The following ILRUN variants were observed in gnomAD, a reference collection of about 807,000 sequenced individuals.
ILRUN encodes inflammation and lipid regulator with UBA-like and NBR1-like domains.
A neutral mutation model predicts 33.8 loss-of-function variants in ILRUN; 3 were observed. The ratio of observed to expected loss-of-function variants is 0.09; its 90% CI spans 0.04 to 0.23. The LOEUF is 0.23. Ranked by LOEUF, ILRUN falls within the 10% of genes least tolerant of loss-of-function variation. The probability of loss-of-function intolerance (pLI) is 1.00; values close to 1 mark genes in which losing one functional copy is unlikely to be tolerated. For missense variants in ILRUN, 210 were observed against 375.1 expected, an observed-to-expected ratio of 0.56 and a Z score of 3.64; for synonymous variants, 124 against 138.9, an observed-to-expected ratio of 0.89 and a Z score of 0.75.
chr6:34,595,776 TTAA>T lies in ILRUN; in HGVS notation c.862-5179_862-5177del, dbSNP rs541657319. 1.5e-4 allele frequency: 144 copies of T among 985,404 alleles called. 1 individual carries two copies. In the African/African-American group the frequency reaches 2.3e-3, roughly 16 times the overall value. 61.0% of individuals were successfully genotyped at this position (985,404 alleles called of 1,614,324 possible). Reference sequence around the variant, plus strand: ...AAATAAATAAGAAGGTTCACACAGGTTAATAAAAAGACAAGCAAGTTTGTTGTA... The same window carrying T: ...AAATAAATAAGAAGGTTCACACAGGTTAAAAAGACAAGCAAGTTTGTTGTA... On this transcript the variant is annotated intron_variant, in intron 4 of 4. Transcript: ENST00000374023.
At chr6:34,695,145 T>C (rs1410992418) in intron 1 of ILRUN, among the ~76,000 whole-genome samples, 3 of 151,698 alleles carry the variant, frequency 2.0e-5, no homozygotes, top group Non-Finnish European at 2.9e-5. Context: ...AGGGTAGAAC[T>C]AGGTAGGAGT....
At chr6:34,621,130 G>A (rs1762005291) in intron 3 of ILRUN, among the ~76,000 whole-genome samples, 1 of 152,122 alleles carries the variant, frequency 6.6e-6, no homozygotes, top group South Asian at 2.1e-4. Context: ...CTTACAAAAA[G>A]GGGGAAATCA....
At chr6:34,629,120 G>A (rs1762197476) in intron 3 of ILRUN, among the ~76,000 whole-genome samples, 1 of 152,138 alleles carries the variant, frequency 6.6e-6, no homozygotes, top group South Asian at 2.1e-4. Context: ...AATATAAAAA[G>A]AGAATGAGTA....
chr6:34,660,213 G>A (rs1298281897), intron 1 of ILRUN, among the ~76,000 whole-genome samples: 1 of 151,898 alleles, frequency 6.6e-6, no homozygotes, highest in Non-Finnish European at 1.5e-5. Context: ...TGAAGTGGGA[G>A]GATCACTTGA....
intron 2 of ILRUN, among the ~76,000 whole-genome samples, chr6:34,654,088 C>T (rs1362807641): frequency 6.6e-6 from 1 of 150,774 alleles, no homozygotes; most frequent in African/African-American, 2.4e-5. Context: ...TCCCATATTT[C>T]CTACCCTATT....
Position 34,650,913 on chromosome 6 carries a change from G to A in ILRUN, c.313+3712C>T, listed in dbSNP as rs182480025. Among the ~76,000 whole-genome samples the A allele has an allele frequency of 7.2e-5, 11 of 152,240 alleles. No homozygotes were observed. In the East Asian group the frequency reaches 1.9e-3, roughly 27 times the overall value. On this transcript the variant is annotated intron_variant, in intron 2 of 4. Transcript: ENST00000374023. ...AAGTGCCATAAAAATTATTATTTAT[G>A]TAGCTCTTTCAGTGAGTGCTTATTT... is the stretch of plus-strand genomic sequence containing the variant.
At chr6:34,619,728 C>T (rs533440169) in intron 3 of ILRUN, among the ~76,000 whole-genome samples, 20 of 152,226 alleles carry the variant, frequency 1.3e-4, no homozygotes, top group African/African-American at 3.9e-4. Context: ...CAGTGGCTCA[C>T]GCCTGTAATA....
chr6:34,600,878 T>C (rs950369231), intron 4 of ILRUN, among the ~76,000 whole-genome samples: 1 of 152,206 alleles, frequency 6.6e-6, no homozygotes, highest in South Asian at 2.1e-4. Flanking sequence ...TGGGAAGCAA[T>C]GCAGTGCAAT....
chr6:34,601,260 C>T (rs924880029), intron 4 of ILRUN, among the ~76,000 whole-genome samples: 88 of 152,226 alleles, frequency 5.8e-4, no homozygotes, highest in African/African-American at 2.1e-3. Context: ...ACTGCTCAAT[C>T]AATGATAGTT....
chr6:34,627,510 A>G (rs147711763), intron 3 of ILRUN, among the ~76,000 whole-genome samples: 1 of 152,324 alleles, frequency 6.6e-6, no homozygotes, highest in East Asian at 1.9e-4. Flanking sequence ...CTGTTGCTCC[A>G]CATTCCTACC....
intron 3 of ILRUN, among the ~76,000 whole-genome samples, chr6:34,628,902 C>T (rs1477045123): frequency 6.6e-6 from 1 of 151,996 alleles, no homozygotes; most frequent in East Asian, 2.0e-4. Flanking sequence ...GACTGCTTGA[C>T]CCAAGAGTTC....
chr6:34,605,009 T>G (rs564962058), intron 4 of ILRUN, among the ~76,000 whole-genome samples: 266 of 152,302 alleles, frequency 1.7e-3, no homozygotes, highest in Non-Finnish European at 2.1e-3. Flanking sequence ...CTAGACCACA[T>G]TTAAACTACT....
At chr6:34,650,469 C>T (rs1053555045) in intron 2 of ILRUN, among the ~76,000 whole-genome samples, 7 of 151,198 alleles carry the variant, frequency 4.6e-5, no homozygotes, top group Admixed American at 1.3e-4. Flanking sequence ...GAGTCTCTGC[C>T]GCCCAGGCTG....
chr6:34,658,260 C>T (rs1314608360), intron 1 of ILRUN, among the ~76,000 whole-genome samples: 2 of 151,370 alleles, frequency 1.3e-5, no homozygotes, highest in Admixed American at 6.6e-5. Flanking sequence ...AGGCGAATTG[C>T]TTGAACCCAG....
intron 1 of ILRUN, among the ~76,000 whole-genome samples, chr6:34,693,294 A>G (rs1763683882): frequency 6.6e-6 from 1 of 152,212 alleles, no homozygotes; most frequent in African/African-American, 2.4e-5. Flanking sequence ...TTGAATTATC[A>G]CTTAACTGCA....
At chr6:34,667,438 C>A (rs947667901) in intron 1 of ILRUN, among the ~76,000 whole-genome samples, 6 of 152,006 alleles carry the variant, frequency 3.9e-5, no homozygotes, top group Non-Finnish European at 7.4e-5. Context: ...GAAGATGGAA[C>A]AACAAAATTA....
chr6:34,601,248 T>C (rs561149484), intron 4 of ILRUN, among the ~76,000 whole-genome samples: 18 of 152,366 alleles, frequency 1.2e-4, no homozygotes, highest in African/African-American at 4.1e-4. Flanking sequence ...GCCTGGCGCA[T>C]AACTGCTCAA....
chr6:34,696,398 G>C (rs1419470921), intron 1 of ILRUN, 48 bp downstream of exon 1: 2 of 1,521,268 alleles, frequency 1.3e-6, no homozygotes, highest in African/African-American at 1.4e-5. Flanking sequence ...CCTTCCCCTC[G>C]GGGCCCCCGA....
chr6:34,675,002 C>G (rs1216335922), intron 1 of ILRUN, among the ~76,000 whole-genome samples: 1 of 152,014 alleles, frequency 6.6e-6, no homozygotes, highest in African/African-American at 2.4e-5. Context: ...AAAAACAGGC[C>G]GAGCGCAGTG....
Sources: allele counts gnomAD v4.1 joint callset (sites outside exome capture counted in the v4.1 genomes callset), GRCh38; gene constraint gnomAD v4.1.1; transcripts MANE v1.5; gene names NCBI Gene and HGNC (gene_info 2026-07-23, HGNC 2026-07-21).